The following EPHB1 variants were observed in gnomAD, a reference collection of about 807,000 sequenced individuals.
EPHB1 encodes ephrin type-B receptor 1.
In EPHB1, 30 loss-of-function variants were observed where a neutral mutation model predicts 94.4. The observed-to-expected ratio is 0.32, with a 90% CI of 0.24 to 0.43. The LOEUF (loss-of-function observed/expected upper bound fraction) is 0.43, where lower values mean the gene tolerates loss of function less well. EPHB1 is among the 20% of genes least tolerant of loss of function. The pLI is 1.00. For synonymous variants in EPHB1, 522 were observed against 489.1 expected (o/e 1.07, Z -0.89); for missense variants, 1,055 against 1,308.3 (o/e 0.81, Z 2.99).
chr3:134,960,675 G>A (rs1933480229), intron 3 of EPHB1, among the ~76,000 whole-genome samples: 1 of 152,198 alleles, frequency 6.6e-6, no homozygotes, highest in African/African-American at 2.4e-5. Flanking sequence ...GAAGAAATGA[G>A]CTTAGCTACA....
chr3:135,236,680 G>T (rs1255668616), intron 12 of EPHB1, among the ~76,000 whole-genome samples: 1 of 152,034 alleles, frequency 6.6e-6, no homozygotes, highest in Admixed American at 6.6e-5. Flanking sequence ...AAACTTCAAG[G>T]GGATCCTCTC....
At chr3:134,892,992 A>G (rs898939053) in intron 1 of EPHB1, among the ~76,000 whole-genome samples, 4 of 152,184 alleles carry the variant, frequency 2.6e-5, no homozygotes, top group Admixed American at 1.3e-4. Flanking sequence ...ACAGAGGCAC[A>G]TGCTCACACA....
At chr3:134,837,853 C>G (rs1256296640) in intron 1 of EPHB1, among the ~76,000 whole-genome samples, 1 of 152,120 alleles carries the variant, frequency 6.6e-6, no homozygotes, top group Non-Finnish European at 1.5e-5. Flanking sequence ...TGGCCTCATT[C>G]ATGCAATTTC....
intron 6 of EPHB1, among the ~76,000 whole-genome samples, chr3:135,156,197 T>A (rs1416044095): frequency 6.6e-6 from 1 of 151,684 alleles, no homozygotes; most frequent in Non-Finnish European, 1.5e-5. Flanking sequence ...GCTTGTAAAA[T>A]GGCCAAGCAG....
intron 1 of EPHB1, among the ~76,000 whole-genome samples, chr3:134,925,600 G>C (rs1038375254): frequency 9.9e-5 from 15 of 152,140 alleles, no homozygotes; most frequent in Non-Finnish European, 2.2e-4. Context: ...CGTGAAGTCT[G>C]TATCCAACTT....
chr3:135,009,141 C>G (rs1010104508), intron 3 of EPHB1, among the ~76,000 whole-genome samples: 12 of 152,070 alleles, frequency 7.9e-5, no homozygotes, highest in South Asian at 2.1e-4. Flanking sequence ...GATTAGAAAC[C>G]CTGGCTGCAA....
At chr3:134,940,560 A>G (rs1340421459) in intron 2 of EPHB1, among the ~76,000 whole-genome samples, 1 of 152,128 alleles carries the variant, frequency 6.6e-6, no homozygotes, top group Non-Finnish European at 1.5e-5. Context: ...TGGGCCAGGC[A>G]CCTTCTTGCC....
intron 12 of EPHB1, among the ~76,000 whole-genome samples, chr3:135,223,858 T>A (rs1017282485): frequency 6.6e-6 from 1 of 152,226 alleles, no homozygotes; most frequent in Non-Finnish European, 1.5e-5. Flanking sequence ...CAATCCCTAC[T>A]GAAATAAATG....
chr3:135,023,253 A>G (rs1936040488), intron 3 of EPHB1, among the ~76,000 whole-genome samples: 1 of 152,246 alleles, frequency 6.6e-6, no homozygotes, highest in Admixed American at 6.5e-5. Flanking sequence ...TATGTTCAGT[A>G]TGATGAGAAA....
At chr3:135,077,208 G>A (rs547400928) in intron 3 of EPHB1, among the ~76,000 whole-genome samples, 1 of 152,306 alleles carries the variant, frequency 6.6e-6, no homozygotes, top group African/African-American at 2.4e-5. Flanking sequence ...TTTGGACCCC[G>A]TGGGACAAGT....
At chr3:135,014,840 A>G (rs144873370) in intron 3 of EPHB1, among the ~76,000 whole-genome samples, 9 of 152,364 alleles carry the variant, frequency 5.9e-5, no homozygotes, top group African/African-American at 2.2e-4. Context: ...TCATGCAGGC[A>G]TAAATCACCC....
rs1387276549 is a variant in EPHB1 at position 134,925,959 on chromosome 3, C to T, written c.123+79C>T. On this transcript the variant is annotated intron_variant, in intron 2 of 15. Coordinates refer to ENST00000398015, the MANE Select transcript of EPHB1 (RefSeq NM_004441.5). ...TGATATCTAGGGGAGTAGAGACTAC[C>T]CAGAGCAGTACCTGTGGGGAATGGA... The T allele has an allele frequency of 6.3e-6, 8 of 1,276,098 alleles. No individual in the cohort carries two copies. The Admixed American group carries it at 9.2e-5, about 15-fold the overall frequency. The allele number at this position is 1,276,098 out of a possible 1,614,324, so 79.0% of individuals were successfully genotyped here.
At chr3:134,989,309 G>A (rs568950615) in intron 3 of EPHB1, among the ~76,000 whole-genome samples, 1 of 152,262 alleles carries the variant, frequency 6.6e-6, no homozygotes, top group Admixed American at 6.5e-5. Context: ...GAAGATTTTT[G>A]TATTCAAGGC....
intron 5 of EPHB1, among the ~76,000 whole-genome samples, chr3:135,138,890 C>G (rs1463651351): frequency 1.3e-5 from 2 of 152,214 alleles, no homozygotes; most frequent in East Asian, 3.9e-4. Context: ...AGGCCCTGGC[C>G]ATTTGCAAAC....
chr3:135,171,775 GCA>G (rs1423783918), intron 9 of EPHB1, among the ~76,000 whole-genome samples: 7 of 152,150 alleles, frequency 4.6e-5, no homozygotes, highest in African/African-American at 1.7e-4. Flanking sequence ...CACCAGTATT[GCA>G]CACTTACTCT....
chr3:135,132,826 C>T lies in EPHB1; in HGVS notation c.1074C>T (p.Ile358=), dbSNP rs1245683566. The change falls in exon 5 of 16, where the codon ATC becomes ATT. Residue 358 remains isoleucine (I), a synonymous_variant. Coordinates refer to ENST00000398015, the MANE Select transcript of EPHB1 (RefSeq NM_004441.5). The part of the protein sequence containing the change: ...TGGRDDVTYN[I]ICKKCRADRR... Reference sequence around the variant, plus strand: ...GGCGGGATGATGTGACCTACAACATCATCTGCAAAAAGTGCCGGGCAGACC... The same window carrying T: ...GGCGGGATGATGTGACCTACAACATTATCTGCAAAAAGTGCCGGGCAGACC... 1 of 1,613,914 alleles carries T rather than the reference C, an allele frequency of 6.2e-7. No homozygotes were observed. Among genetic ancestry groups the T allele is most frequent in the Admixed American group, 1.7e-5 (1 of 60,012 alleles).
chr3:135,191,221 G>A (rs1942448484), intron 10 of EPHB1, among the ~76,000 whole-genome samples: 1 of 152,188 alleles, frequency 6.6e-6, no homozygotes, highest in South Asian at 2.1e-4. Flanking sequence ...ATTTATCTGA[G>A]TATTAGGTCC....
chr3:134,830,803 G>A (rs554510744), intron 1 of EPHB1, among the ~76,000 whole-genome samples: 1 of 152,282 alleles, frequency 6.6e-6, no homozygotes, highest in East Asian at 1.9e-4. Context: ...GTGTCTGGTG[G>A]GCCATAAGAT....
intron 5 of EPHB1, among the ~76,000 whole-genome samples, chr3:135,140,900 G>C (rs556361220): frequency 2.6e-5 from 4 of 152,344 alleles, no homozygotes; most frequent in African/African-American, 9.6e-5. Context: ...ATCAAGCTAA[G>C]TGTTTAATTT....
Sources: allele counts gnomAD v4.1 joint callset (sites outside exome capture counted in the v4.1 genomes callset), GRCh38; gene constraint gnomAD v4.1.1; transcripts MANE v1.5; gene names NCBI Gene and HGNC (gene_info 2026-07-23, HGNC 2026-07-21).